The following LRRC7 variants were observed in gnomAD, a reference collection of about 807,000 sequenced individuals.
LRRC7 encodes the protein leucine rich repeat containing 7.
LRRC7 carries 23 observed loss-of-function variants against 175.7 expected under a neutral mutation model. The ratio of observed to expected loss-of-function variants is 0.13; its 90% CI spans 0.09 to 0.19. The LOEUF is 0.19. Ranked by LOEUF, LRRC7 falls within the 10% of genes least tolerant of loss-of-function variation. LRRC7 has a pLI of 1.00. For missense variants in LRRC7, 1,354 were observed against 1,904.7 expected (o/e 0.71, Z 5.38); for synonymous variants, 685 against 680.9 (o/e 1.01, Z -0.09).
chr1:69,934,697 T>C (rs1647804357), intron 8 of LRRC7, among the ~76,000 whole-genome samples: 1 of 152,124 alleles, frequency 6.6e-6, no homozygotes, highest in Admixed American at 6.6e-5. Context: ...TCATTTTCTT[T>C]AATGAAGTCA....
At chr1:69,959,081 G>A (rs1202681255) in intron 8 of LRRC7, among the ~76,000 whole-genome samples, 1 of 152,024 alleles carries the variant, frequency 6.6e-6, no homozygotes, top group Non-Finnish European at 1.5e-5. Context: ...AAAGCAAGAT[G>A]AGGAAAAGTA....
intron 7 of LRRC7, among the ~76,000 whole-genome samples, chr1:69,897,405 C>T (rs1374981302): frequency 6.6e-6 from 1 of 152,046 alleles, no homozygotes; most frequent in Non-Finnish European, 1.5e-5. Flanking sequence ...AATTCTTACC[C>T]TGCTTTATTT....
At chr1:69,580,547 A>G (rs1263128938) in intron 1 of LRRC7, among the ~76,000 whole-genome samples, 4 of 152,198 alleles carry the variant, frequency 2.6e-5, no homozygotes, top group Non-Finnish European at 1.5e-5. Context: ...TAAACAAATC[A>G]AAGACACTAG....
chr1:69,748,041 G>C (rs1278923078), intron 2 of LRRC7, among the ~76,000 whole-genome samples: 1 of 151,996 alleles, frequency 6.6e-6, no homozygotes, highest in East Asian at 1.9e-4. Flanking sequence ...AAATCTTTCT[G>C]ATTATAAAGT....
intron 1 of LRRC7, among the ~76,000 whole-genome samples, chr1:69,613,933 A>G (rs1649202491): frequency 6.6e-6 from 1 of 152,198 alleles, no homozygotes; most frequent in East Asian, 1.9e-4. Flanking sequence ...AGACAGTTAC[A>G]GATTTTATTG....
chr1:69,941,592 A>G (rs1447332142), intron 8 of LRRC7, among the ~76,000 whole-genome samples: 1 of 151,898 alleles, frequency 6.6e-6, no homozygotes, highest in Non-Finnish European at 1.5e-5. Flanking sequence ...GAGGACACCT[A>G]TCAAAAACTA....
At chr1:70,050,881 T>C (rs1660695843) in intron 22 of LRRC7, among the ~76,000 whole-genome samples, 1 of 152,030 alleles carries the variant, frequency 6.6e-6, no homozygotes, top group Admixed American at 6.6e-5. Flanking sequence ...AGGTGTCTCA[T>C]GCAAGAAAAA....
chr1:69,776,780 T>G (rs376838308), intron 3 of LRRC7, among the ~76,000 whole-genome samples: 27 of 152,094 alleles, frequency 1.8e-4, no homozygotes, highest in African/African-American at 6.5e-4. Context: ...CTGGTAACAA[T>G]GCAACCTCAC....
chr1:69,995,818 A>C (rs12029363), intron 11 of LRRC7, among the ~76,000 whole-genome samples: 1 of 150,996 alleles, frequency 6.6e-6, no homozygotes, highest in Non-Finnish European at 1.5e-5. Context: ...GGACATTTGG[A>C]TTGGTTCCAA....
At chr1:69,578,967 A>C (rs1646083180) in intron 1 of LRRC7, among the ~76,000 whole-genome samples, 1 of 152,000 alleles carries the variant, frequency 6.6e-6, no homozygotes, top group African/African-American at 2.4e-5. Context: ...AATAAAAAGA[A>C]ATGCATGGAA....
intron 1 of LRRC7, among the ~76,000 whole-genome samples, chr1:69,633,280 T>C (rs532499390): frequency 2.6e-5 from 4 of 152,240 alleles, no homozygotes; most frequent in African/African-American, 7.2e-5. Flanking sequence ...CCAACACTTA[T>C]ACAGATTATA....
At chr1:70,053,188 C>G in intron 23 of LRRC7, 43 bp downstream of exon 23, 1 of 1,491,376 alleles carries the variant, frequency 6.7e-7, no homozygotes, top group South Asian at 1.4e-5. Flanking sequence ...GAACCTTGCA[C>G]AATCTACTGC....
intron 4 of LRRC7, among the ~76,000 whole-genome samples, chr1:69,802,898 A>G (rs1446394615): frequency 1.3e-5 from 2 of 151,444 alleles, no homozygotes; most frequent in Admixed American, 1.3e-4. Context: ...GTTTTCTTCT[A>G]AAACTGTTTG....
rs373529793 is a variant in LRRC7 at position 70,003,091 on chromosome 1, G to A, written c.1004+8458G>A. Among the ~76,000 whole-genome samples the A allele has an allele frequency of 1.0e-3, 152 of 152,234 alleles. 4 individuals are homozygous for A. Among genetic ancestry groups the A allele is most frequent in the African/African-American group, 3.3e-3 (139 of 41,568 alleles). ...ACCAGCAAGGTAGGTTTTATTCTGAGCCCTCTTCTCTTGGCTTGTAGGCGA... is the reference window on the plus strand; with the variant it reads ...ACCAGCAAGGTAGGTTTTATTCTGAACCCTCTTCTCTTGGCTTGTAGGCGA... On this transcript the variant is annotated intron_variant, in intron 11 of 26. Transcript: ENST00000651989.
chr1:69,692,406 G>C (rs1267658026), intron 2 of LRRC7, among the ~76,000 whole-genome samples: 5 of 152,186 alleles, frequency 3.3e-5, no homozygotes, highest in African/African-American at 1.2e-4. Context: ...GTTCCCTAAA[G>C]TCTTTATCTC....
At chr1:69,792,855 G>A (rs1675282693) in intron 4 of LRRC7, among the ~76,000 whole-genome samples, 1 of 151,970 alleles carries the variant, frequency 6.6e-6, no homozygotes, top group African/African-American at 2.4e-5. Context: ...GAGTATTTAT[G>A]GGAGTGACTT....
chr1:70,120,136 T>C (rs888082142), intron 26 of LRRC7, among the ~76,000 whole-genome samples: 5 of 152,016 alleles, frequency 3.3e-5, no homozygotes, highest in Non-Finnish European at 7.4e-5. Context: ...TGATCAGAAA[T>C]AACATCAAAT....
chr1:70,055,776 A>T (rs758108267), intron 23 of LRRC7, among the ~76,000 whole-genome samples: 101 of 152,306 alleles, frequency 6.6e-4, no homozygotes, highest in Non-Finnish European at 1.3e-3. Context: ...CCCGTGATTC[A>T]AACACCTCCC....
At chr1:69,902,320 A>G (rs917233973) in intron 7 of LRRC7, among the ~76,000 whole-genome samples, 8 of 152,238 alleles carry the variant, frequency 5.3e-5, no homozygotes, top group Non-Finnish European at 8.8e-5. Context: ...CTGTAATCCC[A>G]GCACTTTGGG....
Sources: gnomAD v4.1 joint callset for allele counts (sites outside exome capture counted in the v4.1 genomes callset) on GRCh38, gnomAD v4.1.1 for gene constraint, MANE v1.5 for transcripts, NCBI Gene and HGNC (gene_info 2026-07-23, HGNC 2026-07-21) for gene names.